ATG5: variants seen among roughly 807,000 people sequenced by gnomAD.
ATG5 encodes autophagy related 5.
In ATG5, 14 loss-of-function variants were observed where a neutral mutation model predicts 36.5. The ratio of observed to expected loss-of-function variants is 0.38; its 90% confidence interval spans 0.25 to 0.60. ATG5 has a LOEUF of 0.60. Among genes scored for constraint, ATG5 ranks in the 20% least tolerant of loss-of-function variants. The pLI is 0.60. For synonymous variants in ATG5, 95 were observed against 101.5 expected, an observed-to-expected ratio of 0.94 and a Z score of 0.38; for missense variants, 195 against 326.7, an observed-to-expected ratio of 0.60 and a Z score of 3.11.
intron 6 of ATG5, among the ~76,000 whole-genome samples, chr6:106,217,943 A>G (rs529123520): frequency 6.6e-6 from 1 of 152,328 alleles, no homozygotes; most frequent in African/African-American, 2.4e-5. Flanking sequence ...TCCACAATGG[A>G]AGTTTTAAAA....
rs1309840235 is a variant in ATG5 at position 106,325,614 on chromosome 6, T to C, written c.-147A>G. 1 of 152,808 alleles carries C rather than the reference T, an allele frequency of 6.5e-6. No homozygotes were observed. Among genetic ancestry groups the C allele is most frequent in the Admixed American group, 6.5e-5 (1 of 15,288 alleles). The allele number at this position is 152,808 out of a possible 1,614,324, so 9.5% of individuals were successfully genotyped here. On this transcript the variant is annotated 5_prime_UTR_variant, in exon 1 of 8. Transcript: ENST00000369076. ...GCTCCGGTGGGGCGGCGGGGCAAGC[T>C]GCCCGCCTGACACACTGTCCTGCGG...
chr6:106,313,978 TC>T (rs1422942080), intron 2 of ATG5, among the ~76,000 whole-genome samples: 4 of 152,296 alleles, frequency 2.6e-5, no homozygotes, highest in Middle Eastern at 3.4e-3. Context: ...CCAACAGTCT[TC>T]AAAAACACAA....
chr6:106,286,518 A>G (rs965679968), intron 4 of ATG5, among the ~76,000 whole-genome samples: 3 of 152,180 alleles, frequency 2.0e-5, no homozygotes, highest in Non-Finnish European at 4.4e-5. Context: ...CTAAGTTTGC[A>G]TGACCCTCCA....
At chr6:106,243,904 C>CTTTTTT (rs35701133) in intron 6 of ATG5, among the ~76,000 whole-genome samples, 4 of 54,910 alleles carry the variant, frequency 7.3e-5, no homozygotes, top group Admixed American at 3.0e-4. Flanking sequence ...AGGAACCATC[C>CTTTTTT]TTTTTTTTTT....
chr6:106,223,602 TAAAGCAG>T (rs1322157564), intron 6 of ATG5, among the ~76,000 whole-genome samples: 2 of 152,194 alleles, frequency 1.3e-5, no homozygotes, highest in Non-Finnish European at 2.9e-5. Flanking sequence ...ATATTAATGC[TAAAGCAG>T]ATGATTATCA....
chr6:106,301,735 T>C (rs1231855418), intron 3 of ATG5, among the ~76,000 whole-genome samples: 1 of 152,076 alleles, frequency 6.6e-6, no homozygotes, highest in Non-Finnish European at 1.5e-5. Flanking sequence ...ACTGTAAGTA[T>C]ATAATACAAA....
At chr6:106,311,121 G>A (rs1222336108) in intron 2 of ATG5, among the ~76,000 whole-genome samples, 1 of 152,118 alleles carries the variant, frequency 6.6e-6, no homozygotes, top group Non-Finnish European at 1.5e-5. Context: ...TTTAAAATTA[G>A]AGACCTTTCT....
intron 6 of ATG5, among the ~76,000 whole-genome samples, chr6:106,202,998 CAGAG>C (rs1055201740): frequency 6.6e-6 from 1 of 151,310 alleles, no homozygotes; most frequent in South Asian, 2.1e-4. Flanking sequence ...GAGAGAGAGA[CAGAG>C]AGAGAGAGAA....
chr6:106,311,002 A>C (rs1289174553), intron 2 of ATG5, among the ~76,000 whole-genome samples: 1 of 152,234 alleles, frequency 6.6e-6, no homozygotes. Context: ...TATACAGCTT[A>C]AAAGAATACA....
intron 6 of ATG5, among the ~76,000 whole-genome samples, chr6:106,234,550 A>C (rs925102994): frequency 6.6e-6 from 1 of 152,218 alleles, no homozygotes; most frequent in African/African-American, 2.4e-5. Flanking sequence ...CCACACGAAT[A>C]GTCTGCCTAC....
intron 5 of ATG5, among the ~76,000 whole-genome samples, chr6:106,267,228 G>A (rs1359396056): frequency 2.6e-5 from 4 of 152,128 alleles, no homozygotes; most frequent in Non-Finnish European, 5.9e-5. Flanking sequence ...AATCATGAGT[G>A]AACTCCCATT....
chr6:106,270,621 CTA>C (rs1188642985), intron 5 of ATG5, among the ~76,000 whole-genome samples: 2 of 152,176 alleles, frequency 1.3e-5, no homozygotes. Flanking sequence ...GCATTAGATT[CTA>C]GTCTATTATG....
intron 7 of ATG5, among the ~76,000 whole-genome samples, chr6:106,192,619 TGGA>T (rs2114317468): frequency 6.6e-6 from 1 of 152,312 alleles, no homozygotes; most frequent in South Asian, 2.1e-4. Flanking sequence ...ACTTTAAATA[TGGA>T]GTAGAAGTCT....
intron 6 of ATG5, among the ~76,000 whole-genome samples, chr6:106,224,589 A>G (rs948520087): frequency 6.6e-6 from 1 of 152,138 alleles, no homozygotes; most frequent in Admixed American, 6.5e-5. Flanking sequence ...TAAGACCAGA[A>G]ATACGGCCAG....
chr6:106,313,578 T>C (rs1252898883), intron 2 of ATG5, among the ~76,000 whole-genome samples: 1 of 152,194 alleles, frequency 6.6e-6, no homozygotes, highest in Non-Finnish European at 1.5e-5. Flanking sequence ...AATTGAAAAG[T>C]TATCTAGTTT....
chr6:106,229,279 G>A lies in ATG5; in HGVS notation c.573+18871C>T, dbSNP rs185898982. 3.3e-5 allele frequency among the ~76,000 whole-genome samples: 5 copies of A among 152,272 alleles called. No individual in the cohort carries two copies. The East Asian group carries it at 9.7e-4, about 29-fold the overall frequency. On this transcript the variant is annotated intron_variant, in intron 6 of 7. Coordinates refer to ENST00000369076, the MANE Select transcript of ATG5 (RefSeq NM_004849.4). ...GTCCCTGGTGTCCCTCCTGATTTAG[G>A]TATACAGCTCTAGACATGGGCAGTT...
chr6:106,238,790 A>G (rs558811001), intron 6 of ATG5, among the ~76,000 whole-genome samples: 2 of 152,316 alleles, frequency 1.3e-5, no homozygotes, highest in East Asian at 3.9e-4. Flanking sequence ...AATAGGGGTA[A>G]AAGAATAAAG....
At position 106,192,523 on chromosome 6, in the gene ATG5, A is replaced by C. The variant is rs908201153; in HGVS notation, c.692-5847T>G. On this transcript the variant is annotated intron_variant, in intron 7 of 7. Transcript: ENST00000369076. Reference sequence around the variant, plus strand: ...ACTATTAATATTTAAAGGAGGCTTAAAGAAATGGATGATGTATCTTTAAGG... The same window carrying C: ...ACTATTAATATTTAAAGGAGGCTTACAGAAATGGATGATGTATCTTTAAGG... Among the ~76,000 whole-genome samples, 30 of 152,176 alleles carry C rather than the reference A, an allele frequency of 2.0e-4. 1 individual carries two copies. The highest frequency in any genetic ancestry group is 7.4e-5 in the Non-Finnish European group (5 of 68,020).
Position 106,248,215 on chromosome 6 carries a change from G to A in ATG5, c.508C>T (p.Arg170Trp), listed in dbSNP as rs147816294. The change falls in exon 6 of 8, where the codon CGG (arginine) becomes TGG (tryptophan). Residue 170 changes from arginine (R) to tryptophan (W), a missense_variant. Physicochemically the swap from Arg to Trp is moderately radical, Grantham distance 101 (BLOSUM62 -3). Transcript: ENST00000369076. Reference sequence around the variant, plus strand: ...TCTGCAGGATATTCCATGAGTTTCCGATTGATGGCCCAAAACTGGTCAAAT... The same window carrying A: ...TCTGCAGGATATTCCATGAGTTTCCAATTGATGGCCCAAAACTGGTCAAAT... Reference protein sequence around the residue: ...DRFDQFWAINRKLMEYPAEEN... With the variant: ...DRFDQFWAINWKLMEYPAEEN... The A allele has an allele frequency of 3.1e-6, 5 of 1,612,186 alleles. No homozygotes were observed. The highest frequency in any genetic ancestry group is 4.2e-6 in the Non-Finnish European group (5 of 1,178,622).
Sources: gnomAD v4.1 joint callset for allele counts (sites outside exome capture counted in the v4.1 genomes callset) on GRCh38, gnomAD v4.1.1 for gene constraint, MANE v1.5 for transcripts, NCBI Gene and HGNC (gene_info 2026-07-23, HGNC 2026-07-21) for gene names.